The following ZC3H12B variants were observed in gnomAD, a reference collection of about 807,000 sequenced individuals.
The protein encoded by ZC3H12B is probable ribonuclease ZC3H12B.
A neutral mutation model predicts 43.9 loss-of-function variants in ZC3H12B; 7 were observed. The observed-to-expected ratio is 0.16, with a 90% CI of 0.09 to 0.30. The LOEUF (loss-of-function observed/expected upper bound fraction) is 0.30, where lower values mean the gene tolerates loss of function less well. Among genes scored for constraint, ZC3H12B ranks in the 10% least tolerant of loss-of-function variants. ZC3H12B has a pLI of 1.00. For missense variants in ZC3H12B, 475 were observed against 670.2 expected (o/e 0.71, Z 3.22); for synonymous variants, 222 against 241.7 (o/e 0.92, Z 0.76).
upstream of ZC3H12B, among the ~76,000 whole-genome samples, chrX:65,365,827 G>A (rs1299945206): frequency 3.2e-4 from 35 of 108,282 alleles, 1 homozygote; most frequent in Admixed American, 3.3e-3. Context: ...ACCCCTGTCC[G>A]CCAGAGAACA....
chrX:65,410,286 T>G (rs2066888997), intron 3 of ZC3H12B, among the ~76,000 whole-genome samples: 1 of 111,450 alleles, frequency 9.0e-6, no homozygotes, highest in African/African-American at 3.3e-5. Context: ...ACTAGACCCC[T>G]GCGTCTCACC....
chrX:65,253,419 C>G, the ZC3H12B span, among the ~76,000 whole-genome samples: 1 of 112,241 alleles, frequency 8.9e-6, no homozygotes, highest in East Asian at 2.8e-4. Flanking sequence ...AGGAAAGCTG[C>G]TTAGACAGTT....
At chrX:65,178,864 G>C in the ZC3H12B span, among the ~76,000 whole-genome samples, 1 of 112,137 alleles carries the variant, frequency 8.9e-6, no homozygotes, top group Non-Finnish European at 1.9e-5. Context: ...ATTCCTCAAG[G>C]ATCTAGAACC....
the ZC3H12B span, among the ~76,000 whole-genome samples, chrX:65,277,884 T>A: frequency 9.1e-6 from 1 of 110,189 alleles, no homozygotes; most frequent in Non-Finnish European, 1.9e-5. Context: ...ATAAATGAAA[T>A]TGACAATAAA....
At chrX:65,337,864 C>A in the ZC3H12B span, among the ~76,000 whole-genome samples, 3 of 112,464 alleles carry the variant, frequency 2.7e-5, no homozygotes, top group African/African-American at 9.7e-5. Context: ...GTCTTCACAA[C>A]AATCCTTAGT....
At chrX:65,428,986 G>T (rs1222605298) in intron 3 of ZC3H12B, among the ~76,000 whole-genome samples, 1 of 111,916 alleles carries the variant, frequency 8.9e-6, no homozygotes, top group Non-Finnish European at 1.9e-5. Context: ...TTTTGTTTTA[G>T]CAGTCAGGCC....
At chrX:65,462,419 C>A (rs113596715) in intron 3 of ZC3H12B, among the ~76,000 whole-genome samples, 1 of 110,743 alleles carries the variant, frequency 9.0e-6, no homozygotes. Context: ...GGCTGAGGCA[C>A]GAGAATTGCT....
At chrX:65,307,248 C>G in the ZC3H12B span, among the ~76,000 whole-genome samples, 9 of 111,919 alleles carry the variant, frequency 8.0e-5, no homozygotes, top group East Asian at 2.8e-4. Context: ...AATGTAAATA[C>G]AGTGTCTAGT....
chrX:65,227,662 A>T, the ZC3H12B span, among the ~76,000 whole-genome samples: 5 of 111,578 alleles, frequency 4.5e-5, no homozygotes, highest in Admixed American at 1.9e-4. Flanking sequence ...GAAAAGAGAG[A>T]AGAATCAAAT....
intron 3 of ZC3H12B, among the ~76,000 whole-genome samples, chrX:65,442,296 A>G (rs894394285): frequency 9.1e-6 from 1 of 110,229 alleles, no homozygotes; most frequent in African/African-American, 3.3e-5. Context: ...CTGCAACACT[A>G]TATTCTGAGC....
intron 2 of ZC3H12B, among the ~76,000 whole-genome samples, chrX:65,383,666 C>A (rs542866530): frequency 9.1e-6 from 1 of 110,127 alleles, no homozygotes; most frequent in African/African-American, 3.3e-5. Context: ...GTGAACAGGC[C>A]ACCTACAAAA....
chrX:65,233,531 TA>T, the ZC3H12B span, among the ~76,000 whole-genome samples: 2,095 of 96,429 alleles, frequency 0.022, 49 homozygotes, highest in African/African-American at 0.066. Context: ...AGAAGAAAAT[TA>T]AAAAAAAAAA....
chrX:65,055,546 T>C, the ZC3H12B span, among the ~76,000 whole-genome samples: 6 of 111,972 alleles, frequency 5.4e-5, no homozygotes, highest in Middle Eastern at 4.6e-3. Flanking sequence ...TCTAAAATTC[T>C]CTTTGTTTTG....
chrX:65,357,054 T>C, the ZC3H12B span: 2 of 583,868 alleles, frequency 3.4e-6, no homozygotes. Flanking sequence ...GAGCTGGGTC[T>C]CCTTGAAAAT....
the ZC3H12B span, chrX:65,271,983 G>A: frequency 8.8e-6 from 1 of 113,148 alleles, no homozygotes; most frequent in African/African-American, 3.3e-5. Context: ...GGGAGGCCAA[G>A]GCGGGCAGAT....
At chrX:65,097,278 A>G in the ZC3H12B span, among the ~76,000 whole-genome samples, 1 of 111,936 alleles carries the variant, frequency 8.9e-6, no homozygotes, top group Non-Finnish European at 1.9e-5. Flanking sequence ...TTTCAGTCTA[A>G]TCAACCAAAA....
At chrX:65,188,894 C>G in the ZC3H12B span, among the ~76,000 whole-genome samples, 2 of 105,554 alleles carry the variant, frequency 1.9e-5, no homozygotes, top group Admixed American at 1.0e-4. Context: ...GCACTGCACC[C>G]ACTAACTCGT....
At chrX:65,464,537 G>T (rs2067793471) in intron 3 of ZC3H12B, among the ~76,000 whole-genome samples, 1 of 108,918 alleles carries the variant, frequency 9.2e-6, no homozygotes, top group African/African-American at 3.3e-5. Flanking sequence ...ATCTAGCCAA[G>T]GTTTGTCAAT....
the ZC3H12B span, among the ~76,000 whole-genome samples, chrX:65,140,833 C>T: frequency 0.23 from 25,769 of 110,612 alleles, 7,163 homozygotes; most frequent in African/African-American, 0.8. Flanking sequence ...CCTGTGTTTC[C>T]AGGTTGTCTA....
Sources: gnomAD v4.1 joint callset for allele counts (sites outside exome capture counted in the v4.1 genomes callset) on GRCh38, gnomAD v4.1.1 for gene constraint, MANE v1.5 for transcripts, NCBI Gene and HGNC (gene_info 2026-07-23, HGNC 2026-07-21) for gene names.